Variants in KLF8 observed in about 807,000 individuals in gnomAD.
KLF8 encodes the protein Krueppel-like factor 8.
In KLF8, 10 loss-of-function variants were observed where a neutral mutation model predicts 18.2. The observed-to-expected ratio is 0.55, with a 90% CI of 0.34 to 0.93. The LOEUF is 0.93. KLF8 is among the 40% of genes least tolerant of loss of function. The pLI, the probability that KLF8 is intolerant of heterozygous loss-of-function variation, is 0.02. For missense variants in KLF8, 264 were observed against 277.9 expected (o/e 0.95, Z 0.36); for synonymous variants, 109 against 97.3 (o/e 1.12, Z -0.71).
the KLF8 span, among the ~76,000 whole-genome samples, chrX:55,954,772 C>CA: frequency 3.6e-5 from 4 of 111,167 alleles, no homozygotes; most frequent in Admixed American, 9.6e-5. Flanking sequence ...AGCCAAGAAG[C>CA]AGAAAAAATC....
At chrX:56,137,541 C>T in the KLF8 span, among the ~76,000 whole-genome samples, 52,907 of 96,879 alleles carry the variant, frequency 0.55, 13,591 homozygotes, top group Non-Finnish European at 0.73. Flanking sequence ...CACTCATAGG[C>T]GGGAATTGAA....
At chrX:56,016,854 C>A in the KLF8 span, among the ~76,000 whole-genome samples, 2 of 111,886 alleles carry the variant, frequency 1.8e-5, no homozygotes. Flanking sequence ...TACTATGTTA[C>A]TACATTTACC....
the KLF8 span, among the ~76,000 whole-genome samples, chrX:55,952,760 T>C: frequency 8.9e-6 from 1 of 112,340 alleles, no homozygotes; most frequent in East Asian, 2.8e-4. Context: ...GGATTAAAGA[T>C]GACACTGGTA....
At chrX:56,139,364 A>G in the KLF8 span, among the ~76,000 whole-genome samples, 1 of 112,144 alleles carries the variant, frequency 8.9e-6, no homozygotes, top group Non-Finnish European at 1.9e-5. Flanking sequence ...AAGCAAAAGA[A>G]CACAGCTAGA....
the KLF8 span, among the ~76,000 whole-genome samples, chrX:56,049,900 A>G: frequency 9.5e-6 from 1 of 105,547 alleles, no homozygotes; most frequent in Non-Finnish European, 2.0e-5. Flanking sequence ...CTGGTCCTGG[A>G]CTCTTTTTGG....
chrX:56,210,167 G>A, the KLF8 span, among the ~76,000 whole-genome samples: 1 of 111,530 alleles, frequency 9.0e-6, no homozygotes, highest in African/African-American at 3.3e-5. Context: ...ATTATTTATT[G>A]CTCATTAATG....
chrX:55,954,711 T>C, the KLF8 span, among the ~76,000 whole-genome samples: 1 of 111,896 alleles, frequency 8.9e-6, no homozygotes, highest in Admixed American at 9.5e-5. Flanking sequence ...TGAAAATATA[T>C]ATCCACAAAA....
chrX:56,189,026 T>G, the KLF8 span, among the ~76,000 whole-genome samples: 1 of 111,692 alleles, frequency 9.0e-6, no homozygotes, highest in African/African-American at 3.3e-5. Context: ...AAATGGGATC[T>G]AATTAAACTC....
chrX:56,056,148 A>T, the KLF8 span, among the ~76,000 whole-genome samples: 2 of 111,307 alleles, frequency 1.8e-5, no homozygotes, highest in Admixed American at 9.6e-5. Context: ...TGGCCTTTTG[A>T]GTTGTCAGGG....
chrX:56,169,597 C>T, the KLF8 span, among the ~76,000 whole-genome samples: 1 of 111,412 alleles, frequency 9.0e-6, no homozygotes, highest in Non-Finnish European at 1.9e-5. Flanking sequence ...AGTTAGGCTC[C>T]TAAGGCTGTA....
rs981493914 is a variant in KLF8 at position 56,285,625 on chromosome X, A to T, written c.*1131A>T. The T allele has an allele frequency of 1.8e-5, 2 of 112,238 alleles. No homozygotes were observed. Among genetic ancestry groups the T allele is most frequent in the African/African-American group, 6.5e-5 (2 of 30,848 alleles). The allele number at this position is 112,238 out of a possible 1,213,427, so 9.2% of individuals were successfully genotyped here. ...TTCATTCCTGTGTTTCAAATGAAAC[A>T]TAGATGCTTTTCATGAAAACTGACC... is the stretch of plus-strand genomic sequence containing the variant. On this transcript the variant is annotated 3_prime_UTR_variant, in exon 6 of 6. Coordinates refer to ENST00000468660, the MANE Select transcript of KLF8 (RefSeq NM_007250.5).
the KLF8 span, among the ~76,000 whole-genome samples, chrX:55,940,462 T>C: frequency 1.8e-5 from 2 of 111,822 alleles, no homozygotes; most frequent in Non-Finnish European, 3.8e-5. Context: ...CTTTGAACAC[T>C]GGCACAAAAC....
At chrX:56,242,845 G>A in intron 1 of KLF8, 2 of 308,259 alleles carry the variant, frequency 6.5e-6, no homozygotes, top group South Asian at 3.7e-5. Context: ...GGTAAGCTAA[G>A]CAGGAAAACT....
chrX:55,971,445 A>G, the KLF8 span, among the ~76,000 whole-genome samples: 1 of 111,324 alleles, frequency 9.0e-6, no homozygotes, highest in Admixed American at 9.6e-5. Context: ...CTAAGACCTC[A>G]AACTATGAAA....
At chrX:56,043,879 G>T in the KLF8 span, among the ~76,000 whole-genome samples, 1 of 112,375 alleles carries the variant, frequency 8.9e-6, no homozygotes, top group Admixed American at 9.4e-5. Flanking sequence ...AAGAGAAGAG[G>T]CACTCTGGTT....
chrX:56,261,283 A>G (rs1355175291), intron 2 of KLF8, among the ~76,000 whole-genome samples: 1 of 111,707 alleles, frequency 9.0e-6, no homozygotes, highest in Non-Finnish European at 1.9e-5. Flanking sequence ...AACCACCCCT[A>G]AGTTTCTTTG....
chrX:56,188,460 G>C, the KLF8 span, among the ~76,000 whole-genome samples: 1 of 111,644 alleles, frequency 9.0e-6, no homozygotes, highest in South Asian at 3.8e-4. Context: ...GTAATTTATA[G>C]ATTCAATGCC....
chrX:56,128,624 T>C, the KLF8 span, among the ~76,000 whole-genome samples: 1 of 111,966 alleles, frequency 8.9e-6, no homozygotes, highest in African/African-American at 3.2e-5. Context: ...TTAGCATTTA[T>C]CTGTTTGACT....
At chrX:56,104,011 T>C in the KLF8 span, among the ~76,000 whole-genome samples, 3 of 111,877 alleles carry the variant, frequency 2.7e-5, no homozygotes, top group Non-Finnish European at 5.6e-5. Context: ...TGCTGGATTA[T>C]GTTTATTAAT....
Sources: gnomAD v4.1 joint callset for allele counts (sites outside exome capture counted in the v4.1 genomes callset) on GRCh38, gnomAD v4.1.1 for gene constraint, MANE v1.5 for transcripts, NCBI Gene and HGNC (gene_info 2026-07-23, HGNC 2026-07-21) for gene names.